The following CFAP97D2 variants were observed in gnomAD, a reference collection of about 807,000 sequenced individuals.
CFAP97D2 encodes the protein CFAP97 domain containing 2, also known as uncharacterized protein CFAP97D2.
chr13:114,221,378 C>G (rs905021354), intron 4 of CFAP97D2, among the ~76,000 whole-genome samples: 1 of 152,200 alleles, frequency 6.6e-6, no homozygotes, highest in Non-Finnish European at 1.5e-5. Flanking sequence ...TTACTGATTC[C>G]GGGAAAAGTA....
At chr13:114,180,053 A>G (rs926428063) in intron 1 of CFAP97D2, among the ~76,000 whole-genome samples, 8 of 152,216 alleles carry the variant, frequency 5.3e-5, no homozygotes, top group Admixed American at 2.0e-4. Flanking sequence ...ATTGGATGCA[A>G]ATGTGGACAA....
intron 4 of CFAP97D2, among the ~76,000 whole-genome samples, chr13:114,217,939 G>A (rs60191345): frequency 0.065 from 9,900 of 152,158 alleles, 543 homozygotes; most frequent in African/African-American, 0.13. Context: ...GGCAAAAACT[G>A]GAAGCATTCC....
intron 1 of CFAP97D2, among the ~76,000 whole-genome samples, chr13:114,182,471 C>A (rs539529798): frequency 2.0e-5 from 3 of 151,836 alleles, no homozygotes; most frequent in South Asian, 2.1e-4. Flanking sequence ...TACTAATCCA[C>A]CTCAGCACAG....
In CFAP97D2 at chr13:114,217,527, A is replaced by C. The variant is rs953622311; in HGVS notation, c.481-4971A>C. On this transcript the variant is annotated intron_variant, in intron 4 of 4. Transcript: ENST00000646158. Reference sequence around the variant, plus strand: ...GGAATCCTCCCTAACTCATTTTATGAGGCCAGCATCATCCTGATACCAAAG... The same window carrying C: ...GGAATCCTCCCTAACTCATTTTATGCGGCCAGCATCATCCTGATACCAAAG... Among the ~76,000 whole-genome samples, 12 of 152,354 alleles carry C rather than the reference A, an allele frequency of 7.9e-5. No homozygotes were observed. The South Asian group carries it at 2.5e-3, about 32-fold the overall frequency.
Position 114,186,909 on chromosome 13 carries a change from C to T in CFAP97D2, c.90+7489C>T, listed in dbSNP as rs1379282271. The stretch of plus-strand genomic sequence containing the variant: ...GGCCAGTAGCATGAGCTGAGCACAG[C>T]CTGCCAGTCCAAGTGGGCCCAGTGG... On this transcript the variant is annotated intron_variant, in intron 1 of 4. Transcript: ENST00000646158. This position sits in a 1 kb window ranked among gnomAD's most constrained non-coding sequence, Gnocchi z 4.3. Among the ~76,000 whole-genome samples the T allele has an allele frequency of 2.6e-5, 4 of 152,248 alleles. No homozygotes were observed. The highest frequency in any genetic ancestry group is 7.2e-5 in the African/African-American group (3 of 41,464).
chr13:114,183,198 A>G (rs145742271), intron 1 of CFAP97D2, among the ~76,000 whole-genome samples: 1,761 of 152,036 alleles, frequency 0.012, 96 homozygotes, highest in Admixed American at 0.081. Flanking sequence ...AGACAGTCTC[A>G]CTCTGTCACC....
intron 1 of CFAP97D2, among the ~76,000 whole-genome samples, chr13:114,190,987 C>T (rs577635627): frequency 2.0e-5 from 3 of 152,256 alleles, no homozygotes; most frequent in African/African-American, 7.2e-5. Context: ...CAAAGACAGC[C>T]TTTTCACAAA....
intron 3 of CFAP97D2, among the ~76,000 whole-genome samples, chr13:114,210,674 T>C (rs925512087): frequency 6.6e-6 from 1 of 152,068 alleles, no homozygotes; most frequent in African/African-American, 2.4e-5. Flanking sequence ...CAGATCCAGG[T>C]CTTCAGCCCT....
At chr13:114,195,019 G>T (rs562957831) in intron 1 of CFAP97D2, among the ~76,000 whole-genome samples, 2 of 152,262 alleles carry the variant, frequency 1.3e-5, no homozygotes, top group South Asian at 4.2e-4. Context: ...AAAGCAGAGG[G>T]CATTCTTCAT....
At chr13:114,180,134 C>T (rs886359537) in intron 1 of CFAP97D2, among the ~76,000 whole-genome samples, 6 of 152,232 alleles carry the variant, frequency 3.9e-5, no homozygotes, top group African/African-American at 1.4e-4. Flanking sequence ...TCAGTGGAGG[C>T]GTCAGAGAAC....
rs915594631 is a variant in CFAP97D2 at position 114,185,620 on chromosome 13, C to T, written c.90+6200C>T. Among the ~76,000 whole-genome samples, 3 of 152,238 alleles carry T rather than the reference C, an allele frequency of 2.0e-5. No homozygotes were observed. Among genetic ancestry groups the T allele is most frequent in the African/African-American group, 7.2e-5 (3 of 41,466 alleles). On this transcript the variant is annotated intron_variant, in intron 1 of 4. Coordinates refer to ENST00000646158, the Ensembl canonical transcript of CFAP97D2. The surrounding 1 kb of genome is among the most constrained non-coding windows in gnomAD (Gnocchi z 5.2). ...CCGCAGGCTCAGAAGTGCCTGCTCC[C>T]ACTGCCTGGCTTCTCCCCACTGTTG...
chr13:114,183,061 A>G (rs1489090904), intron 1 of CFAP97D2, among the ~76,000 whole-genome samples: 1 of 152,146 alleles, frequency 6.6e-6, no homozygotes. Flanking sequence ...TTGTTAGTAG[A>G]CTGGCACTCC....
chr13:114,201,736 C>T (rs939394783), intron 3 of CFAP97D2, among the ~76,000 whole-genome samples: 1 of 152,196 alleles, frequency 6.6e-6, no homozygotes, highest in Non-Finnish European at 1.5e-5. Flanking sequence ...AGGGGAGTCT[C>T]AGCTGCTTCT....
chr13:114,220,469 A>G (rs1350642517), intron 4 of CFAP97D2, among the ~76,000 whole-genome samples: 2 of 152,192 alleles, frequency 1.3e-5, no homozygotes, highest in Admixed American at 6.5e-5. Flanking sequence ...AAACATTTTA[A>G]AGGAAGGATT....
Position 114,182,391 on chromosome 13 carries a change from A to G in CFAP97D2, c.90+2971A>G, listed in dbSNP as rs985236846. On this transcript the variant is annotated intron_variant, in intron 1 of 4. Transcript: ENST00000646158. ...GTACAATCGGGTTTTATACCGAGAC[A>G]TTCAGTTCCCAGGGGCAGGCAGGAG... is the stretch of plus-strand genomic sequence containing the variant. Among the ~76,000 whole-genome samples, 9 of 152,242 alleles carry G rather than the reference A, an allele frequency of 5.9e-5. No individual in the cohort carries two copies. In the South Asian group the frequency reaches 6.2e-4, roughly 11 times the overall value.
downstream of CFAP97D2, chr13:114,222,641 A>G: frequency 2.5e-6 from 1 of 396,506 alleles, no homozygotes; most frequent in Non-Finnish European, 4.4e-6. The surrounding 1 kb of genome is among the most constrained non-coding windows in gnomAD (Gnocchi z 4.4). Context: ...AAGGCCAGCC[A>G]TGAGCTCCCC....
intron 2 of CFAP97D2, among the ~76,000 whole-genome samples, chr13:114,198,546 G>A (rs1362262638): frequency 6.6e-6 from 1 of 152,258 alleles, no homozygotes; most frequent in Non-Finnish European, 1.5e-5. Context: ...AATTTTACAA[G>A]ATAGTGCCTC....
At chr13:114,221,572 C>G (rs1212157100) in intron 4 of CFAP97D2, among the ~76,000 whole-genome samples, 1 of 152,184 alleles carries the variant, frequency 6.6e-6, no homozygotes, top group Non-Finnish European at 1.5e-5. Flanking sequence ...ACTAACTTGT[C>G]TGCAATCAAA....
intron 3 of CFAP97D2, among the ~76,000 whole-genome samples, chr13:114,209,204 A>G (rs1002313628): frequency 6.6e-6 from 1 of 152,252 alleles, no homozygotes; most frequent in African/African-American, 2.4e-5. Flanking sequence ...TGCCACTGCC[A>G]TCTGGGCACC....
Sources: gnomAD v4.1 joint callset for allele counts (sites outside exome capture counted in the v4.1 genomes callset) on GRCh38, gnomAD v4.1.1 for gene constraint, Gnocchi (gnomAD v3.1) non-coding constraint, MANE v1.5 for transcripts, NCBI Gene and HGNC (gene_info 2026-07-23, HGNC 2026-07-21) for gene names.